ARID3A: variants seen among roughly 807,000 people sequenced by gnomAD.
The protein encoded by ARID3A is AT-rich interactive domain-containing protein 3A.
In ARID3A, 11 loss-of-function variants were observed where a neutral mutation model predicts 52.7. The observed-to-expected ratio is 0.21, with a 90% confidence interval of 0.13 to 0.35. The LOEUF is 0.35. Ranked by LOEUF, ARID3A falls within the 10% of genes least tolerant of loss-of-function variation. ARID3A has a pLI of 1.00. For missense variants in ARID3A, 721 were observed against 838.5 expected (o/e 0.86, Z 1.73); for synonymous variants, 404 against 359.4 (o/e 1.12, Z -1.40).
rs536699014 is a variant in ARID3A, at chr19:948,114, G to A, written c.694-11978G>A. On this transcript the variant is annotated intron_variant, in intron 3 of 8. Coordinates refer to ENST00000263620, the MANE Select transcript of ARID3A (RefSeq NM_005224.3). ...CTCCCCCGACCCATCAGTCCAGGTC[G>A]GTCGGGGCCGCCTGTCCCCTGGTGT... Among the ~76,000 whole-genome samples the A allele has an allele frequency of 9.2e-4, 140 of 152,102 alleles. No individual in the cohort carries two copies. The Middle Eastern group carries it at 0.01, about 11-fold the overall frequency.
Position 968,565 on chromosome 19 carries a change from A to C in ARID3A, c.1594+62A>C, listed in dbSNP as rs561725111. 4.0e-5 allele frequency: 60 copies of C among 1,502,508 alleles called. No individual in the cohort carries two copies. The African/African-American group carries it at 7.0e-4, about 18-fold the overall frequency. The allele number at this position is 1,502,508 out of a possible 1,614,324, so 93.1% of individuals were successfully genotyped here. On this transcript the variant is annotated intron_variant, in intron 8 of 8. Coordinates refer to ENST00000263620, the MANE Select transcript of ARID3A (RefSeq NM_005224.3). Reference sequence around the variant, plus strand: ...CCTCTCCCGCCGCCGTGAACTCAGGACCCTGAGTTGCGCCTGGTCCCACCT... The same window carrying C: ...CCTCTCCCGCCGCCGTGAACTCAGGCCCCTGAGTTGCGCCTGGTCCCACCT...
chr19:930,612 C>T (rs1158221356), intron 2 of ARID3A, among the ~76,000 whole-genome samples: 2 of 150,422 alleles, frequency 1.3e-5, no homozygotes, highest in Non-Finnish European at 3.0e-5. Context: ...CGGGTTCACA[C>T]CATTCTCCTG....
chr19:936,211 C>T (rs940926471), intron 3 of ARID3A, among the ~76,000 whole-genome samples: 1 of 152,250 alleles, frequency 6.6e-6, no homozygotes, highest in Non-Finnish European at 1.5e-5. Context: ...TCTTAAAAAA[C>T]AGCTTTATTG....
At chr19:971,749 T>A in intron 8 of ARID3A, 129 bp from the exon 9 acceptor site, 1 of 1,214,100 alleles carries the variant, frequency 8.2e-7, no homozygotes, top group Non-Finnish European at 1.1e-6. Context: ...ATGCCACCAC[T>A]GCACTCTAGC....
At position 932,563 on chromosome 19, in the gene ARID3A, C is replaced by T. The variant is rs757757566; in HGVS notation, c.514C>T (p.Leu172=). ...CCCTGCCAGCTTGGGCACCACGGCA[C>T]TGTTCCCCCGAAAGGCCCAGCCACC... ...PGPASLGTTA[L]FPRKAQPPQA... The change falls in exon 3 of 9, where the codon CTG becomes TTG. Residue 172 remains leucine (L), a synonymous_variant. Coordinates refer to ENST00000263620, the MANE Select transcript of ARID3A (RefSeq NM_005224.3). The T allele has an allele frequency of 1.1e-5, 16 of 1,507,270 alleles. No individual in the cohort carries two copies. The East Asian group carries it at 4.1e-4, about 38-fold the overall frequency. The allele number at this position is 1,507,270 out of a possible 1,614,324, so 93.4% of individuals were successfully genotyped here. A position where few individuals can be genotyped will look rare whatever the true frequency, so the allele number is the denominator to read the frequency against.
intron 4 of ARID3A, among the ~76,000 whole-genome samples, chr19:961,570 C>G (rs1314661935): frequency 6.6e-6 from 1 of 152,190 alleles, no homozygotes; most frequent in African/African-American, 2.4e-5. Flanking sequence ...AAAGCCAACC[C>G]GTTTTGCTGT....
At chr19:954,957 G>T (rs1003484332) in intron 3 of ARID3A, among the ~76,000 whole-genome samples, 5 of 152,204 alleles carry the variant, frequency 3.3e-5, no homozygotes, top group Non-Finnish European at 7.4e-5. Context: ...TCGGCCCTCA[G>T]CCCCTGGGGA....
In ARID3A at chr19:947,994, T is replaced by A. The variant is rs897091926; in HGVS notation, c.694-12098T>A. 6.6e-6 allele frequency among the ~76,000 whole-genome samples: 1 copy of A among 152,132 alleles called. No homozygotes were observed. Among genetic ancestry groups the A allele is most frequent in the South Asian group, 2.1e-4 (1 of 4,836 alleles). The stretch of plus-strand genomic sequence containing the variant: ...GGTCAGGTGCACGAGGAGCAACCCA[T>A]GGCCAGGCAGAGCCCAGAGAGGGCG... On this transcript the variant is annotated intron_variant, in intron 3 of 8. Coordinates refer to ENST00000263620, the MANE Select transcript of ARID3A (RefSeq NM_005224.3). The surrounding 1 kb of genome is among the most constrained non-coding windows in gnomAD (Gnocchi z 6.3).
chr19:930,758 C>T (rs2037309161), intron 2 of ARID3A, among the ~76,000 whole-genome samples: 1 of 151,264 alleles, frequency 6.6e-6, no homozygotes, highest in South Asian at 2.1e-4. Flanking sequence ...ATCTGCCTGC[C>T]TTGGCCTCCC....
chr19:967,873 C>T (rs141375704), intron 7 of ARID3A, among the ~76,000 whole-genome samples: 2,309 of 151,624 alleles, frequency 0.015, 65 homozygotes, highest in African/African-American at 0.053. Context: ...GGTGAAACCC[C>T]GTCTCTACTA....
intron 3 of ARID3A, among the ~76,000 whole-genome samples, chr19:934,364 G>A (rs1442647551): frequency 6.6e-6 from 1 of 152,204 alleles, no homozygotes; most frequent in Admixed American, 6.5e-5. Flanking sequence ...CAGGGATGAG[G>A]GGCCAGGCGC....
In ARID3A at chr19:941,221, C is replaced by T. The variant is rs1210202135; in HGVS notation, c.693+8479C>T. Among the ~76,000 whole-genome samples the T allele has an allele frequency of 2.0e-5, 3 of 152,192 alleles. No individual in the cohort carries two copies. Among genetic ancestry groups the T allele is most frequent in the Admixed American group, 6.5e-5 (1 of 15,288 alleles). ...CGTGGTGCCTGGGCGGGGGAATGGG[C>T]GTGGTGAGCCGCCGTGGCGTGCGTG... On this transcript the variant is annotated intron_variant, in intron 3 of 8. Transcript: ENST00000263620. The surrounding 1 kb of genome is among the most constrained non-coding windows in gnomAD (Gnocchi z 6.9).
intron 3 of ARID3A, among the ~76,000 whole-genome samples, chr19:950,693 C>T (rs2037787217): frequency 6.6e-6 from 1 of 152,164 alleles, no homozygotes; most frequent in Admixed American, 6.5e-5. Flanking sequence ...TTGGTCCCTC[C>T]GACCTTGGAG....
In ARID3A at chr19:975,353, G is replaced by T; in HGVS notation, c.*3288G>T. On this transcript the variant is annotated 3_prime_UTR_variant, in exon 9 of 9. Coordinates refer to ENST00000263620, the MANE Select transcript of ARID3A (RefSeq NM_005224.3). ...AGTGGCTGTCCAGAAAGGCGGGAGG[G>T]TGGGCACGGGGCACGGGGGGCAGCT... 1 of 230,410 alleles carries T rather than the reference G, an allele frequency of 4.3e-6. No individual in the cohort carries two copies. The allele number at this position is 230,410 out of a possible 1,614,324, so 14.3% of individuals were successfully genotyped here.
Position 952,441 on chromosome 19 carries a change from C to CAAAAAA in ARID3A, c.694-7630_694-7625dup, listed in dbSNP as rs10663796. Among the ~76,000 whole-genome samples the CAAAAAA allele has an allele frequency of 1.3e-4, 8 of 59,764 alleles. 1 individual carries two copies. The highest frequency in any genetic ancestry group is 2.0e-4 in the Admixed American group (1 of 4,914). 39.2% of individuals were successfully genotyped at this position (59,764 alleles called of 152,430 possible). On this transcript the variant is annotated intron_variant, in intron 3 of 8. Coordinates refer to ENST00000263620, the MANE Select transcript of ARID3A (RefSeq NM_005224.3). Reference sequence around the variant, plus strand: ...TGGGCCACAGAGCGAGACCCTGTCTCAAAAAAAAAAAAAAAAAAAAAAAAA... The same window carrying CAAAAAA: ...TGGGCCACAGAGCGAGACCCTGTCTCAAAAAAAAAAAAAAAAAAAAAAAAAAAAAAA...
rs1023633978 is a variant in ARID3A at position 947,754 on chromosome 19, C to T, written c.694-12338C>T. ...TGGAGAGTGTTATTAATATCCGCCC[C>T]GTGGGTGCGGCGCTGTGTATTTCCA... On this transcript the variant is annotated intron_variant, in intron 3 of 8. Coordinates refer to ENST00000263620, the MANE Select transcript of ARID3A (RefSeq NM_005224.3). The surrounding 1 kb of genome is among the most constrained non-coding windows in gnomAD (Gnocchi z 6.3). Among the ~76,000 whole-genome samples, 3 of 152,178 alleles carry T rather than the reference C, an allele frequency of 2.0e-5. No homozygotes were observed. Among genetic ancestry groups the T allele is most frequent in the Non-Finnish European group, 4.4e-5 (3 of 68,020 alleles).
intron 3 of ARID3A, among the ~76,000 whole-genome samples, chr19:951,874 A>T (rs972371715): frequency 6.6e-6 from 1 of 151,940 alleles, no homozygotes; most frequent in Non-Finnish European, 1.5e-5. Context: ...AGTGGCTCAT[A>T]CCCAGAATCC....
rs895138766 is a variant in ARID3A at position 942,977 on chromosome 19, C to T, written c.693+10235C>T. Among the ~76,000 whole-genome samples, 6 of 152,252 alleles carry T rather than the reference C, an allele frequency of 3.9e-5. 1 individual carries two copies. The highest frequency in any genetic ancestry group is 4.1e-4 in the South Asian group (2 of 4,828). ...CGTACGGTGGCCCCAAATCCCATGC[C>T]GGTCGGTTGTCCTCTAAGGGGGAGG... is the stretch of plus-strand genomic sequence containing the variant. On this transcript the variant is annotated intron_variant, in intron 3 of 8. Coordinates refer to ENST00000263620, the MANE Select transcript of ARID3A (RefSeq NM_005224.3). This position sits in a 1 kb window ranked among gnomAD's most constrained non-coding sequence, Gnocchi z 8.1.
chr19:935,916 G>A (rs1022176374), intron 3 of ARID3A, among the ~76,000 whole-genome samples: 4 of 152,110 alleles, frequency 2.6e-5, no homozygotes, highest in Non-Finnish European at 2.9e-5. Context: ...TCAGCCTCCC[G>A]AGTAGCTGGG....
Sources: gnomAD v4.1 joint callset for allele counts (sites outside exome capture counted in the v4.1 genomes callset) on GRCh38, gnomAD v4.1.1 for gene constraint, Gnocchi (gnomAD v3.1) non-coding constraint, MANE v1.5 for transcripts, NCBI Gene and HGNC (gene_info 2026-07-23, HGNC 2026-07-21) for gene names.